The following NRG3 variants were observed in gnomAD, a reference collection of about 807,000 sequenced individuals.
NRG3 encodes the protein neuregulin 3.
Under a neutral mutation model 66.9 loss-of-function variants are expected in NRG3, and 31 were observed. The ratio of observed to expected loss-of-function variants is 0.46; its 90% CI spans 0.35 to 0.63. NRG3 has a LOEUF of 0.63. Ranked by LOEUF, NRG3 falls within the 20% of genes least tolerant of loss-of-function variation. The pLI is 0.00. For synonymous variants in NRG3, 393 were observed against 359.4 expected (o/e 1.09, Z -1.06); for missense variants, 910 against 878.9 (o/e 1.04, Z -0.45).
intron 2 of NRG3, among the ~76,000 whole-genome samples, chr10:82,409,269 A>G (rs2087862395): frequency 6.6e-6 from 1 of 152,230 alleles, no homozygotes; most frequent in Admixed American, 6.5e-5. Context: ...TTTCAAACCA[A>G]TGGCAGGTTT....
At chr10:82,497,206 A>G (rs1305274015) in intron 2 of NRG3, among the ~76,000 whole-genome samples, 1 of 152,210 alleles carries the variant, frequency 6.6e-6, no homozygotes, top group African/African-American at 2.4e-5. Context: ...ACCATCTTAA[A>G]ATACTTGAAC....
intron 1 of NRG3, among the ~76,000 whole-genome samples, chr10:81,933,950 T>G (rs1191119076): frequency 1.3e-5 from 2 of 152,222 alleles, no homozygotes; most frequent in Non-Finnish European, 2.9e-5. Flanking sequence ...GCCTCTAATT[T>G]GTGAAATTAA....
At position 82,145,523 on chromosome 10, in the gene NRG3, C is replaced by T. The variant is rs78459876; in HGVS notation, c.824-213216C>T. ...GGAGACATAGGTATTTGTGTGATGG[C>T]CTCAACATCATATTAAAACCACCAG... On this transcript the variant is annotated intron_variant, in intron 1 of 8. Coordinates refer to ENST00000372141, the MANE Select transcript of NRG3 (RefSeq NM_001010848.4). Among the ~76,000 whole-genome samples, 1,410 of 152,202 alleles carry T rather than the reference C, an allele frequency of 9.3e-3. 22 individuals are homozygous for T. Among genetic ancestry groups the T allele is most frequent in the African/African-American group, 0.029 (1,207 of 41,548 alleles).
intron 2 of NRG3, among the ~76,000 whole-genome samples, chr10:82,672,438 A>G (rs2053354319): frequency 6.6e-6 from 1 of 152,220 alleles, no homozygotes; most frequent in African/African-American, 2.4e-5. Context: ...TGGTAAAACA[A>G]ACAAAAGAAA....
At chr10:82,355,518 G>T (rs1449555660) in intron 1 of NRG3, among the ~76,000 whole-genome samples, 1 of 152,090 alleles carries the variant, frequency 6.6e-6, no homozygotes, top group Non-Finnish European at 1.5e-5. Context: ...AAAATTATTA[G>T]CATCTCTTTA....
intron 2 of NRG3, among the ~76,000 whole-genome samples, chr10:82,518,684 A>G (rs974347585): frequency 2.6e-5 from 4 of 152,142 alleles, no homozygotes; most frequent in African/African-American, 9.7e-5. Context: ...TGGAGGTTTT[A>G]TCTTCAAGGG....
intron 2 of NRG3, among the ~76,000 whole-genome samples, chr10:82,528,002 G>A (rs532827816): frequency 1.3e-5 from 2 of 152,128 alleles, no homozygotes; most frequent in African/African-American, 4.8e-5. Flanking sequence ...CAGCATCTCT[G>A]GTCTCTACCC....
chr10:82,164,903 GTTA>G (rs1285833567), intron 1 of NRG3, among the ~76,000 whole-genome samples: 2 of 151,964 alleles, frequency 1.3e-5, no homozygotes, highest in African/African-American at 4.8e-5. Flanking sequence ...AGTTATAGGA[GTTA>G]TTATAGTATT....
chr10:82,469,479 T>C (rs1324550527), intron 2 of NRG3, among the ~76,000 whole-genome samples: 2 of 152,004 alleles, frequency 1.3e-5, no homozygotes, highest in Non-Finnish European at 2.9e-5. Context: ...GTGGTGGTGG[T>C]GGTCATGGTG....
At chr10:82,415,917 AT>A (rs1415480854) in intron 2 of NRG3, among the ~76,000 whole-genome samples, 1 of 152,156 alleles carries the variant, frequency 6.6e-6, no homozygotes, top group South Asian at 2.1e-4. Context: ...CTTTTCACTC[AT>A]TTTTGGCATA....
chr10:81,970,194 A>G (rs2059880272), intron 1 of NRG3, among the ~76,000 whole-genome samples: 1 of 152,238 alleles, frequency 6.6e-6, no homozygotes, highest in Admixed American at 6.5e-5. Context: ...AGGAAAAGTA[A>G]AATAGGCAGT....
chr10:82,708,411 A>T (rs1263894703), intron 2 of NRG3, among the ~76,000 whole-genome samples: 8 of 152,168 alleles, frequency 5.3e-5, no homozygotes, highest in African/African-American at 1.9e-4. Context: ...TTTGTCACCC[A>T]AGTAATAAGC....
chr10:82,614,510 GA>G (rs1467126566), intron 2 of NRG3, among the ~76,000 whole-genome samples: 1 of 152,122 alleles, frequency 6.6e-6, no homozygotes, highest in Non-Finnish European at 1.5e-5. Flanking sequence ...TGTATTAGAA[GA>G]ATCATTAATA....
chr10:82,393,677 A>G (rs1372995132), intron 2 of NRG3, among the ~76,000 whole-genome samples: 1 of 152,154 alleles, frequency 6.6e-6, no homozygotes, highest in Non-Finnish European at 1.5e-5. Flanking sequence ...TGTTCGATTC[A>G]CTCCTACTAC....
At chr10:81,919,407 C>G (rs1272743879) in intron 1 of NRG3, among the ~76,000 whole-genome samples, 2 of 152,112 alleles carry the variant, frequency 1.3e-5, no homozygotes, top group East Asian at 3.9e-4. Flanking sequence ...AATGGTAATA[C>G]TTATTTTGAA....
chr10:82,001,377 T>C (rs998602914), intron 1 of NRG3, among the ~76,000 whole-genome samples: 1 of 151,692 alleles, frequency 6.6e-6, no homozygotes, highest in Admixed American at 6.6e-5. Context: ...GTGGTGGGCA[T>C]CCATAATCCC....
chr10:82,288,275 T>C (rs746590257), intron 1 of NRG3, among the ~76,000 whole-genome samples: 6 of 152,238 alleles, frequency 3.9e-5, no homozygotes, highest in African/African-American at 9.6e-5. Flanking sequence ...TATTTAATAT[T>C]CACAACTCTC....
At chr10:82,928,746 C>T (rs1847264166) in intron 4 of NRG3, among the ~76,000 whole-genome samples, 1 of 151,996 alleles carries the variant, frequency 6.6e-6, no homozygotes, top group African/African-American at 2.4e-5. Flanking sequence ...TGTGGCTGTA[C>T]TCCAATAAAA....
At chr10:82,892,800 T>C (rs1335620834) in intron 4 of NRG3, among the ~76,000 whole-genome samples, 2 of 151,986 alleles carry the variant, frequency 1.3e-5, no homozygotes, top group Non-Finnish European at 2.9e-5. Context: ...ATGTGTATTA[T>C]TAATATCACA....
Sources: gnomAD v4.1 joint callset for allele counts (sites outside exome capture counted in the v4.1 genomes callset) on GRCh38, gnomAD v4.1.1 for gene constraint, MANE v1.5 for transcripts, NCBI Gene and HGNC (gene_info 2026-07-23, HGNC 2026-07-21) for gene names.